Variants in FSD1L observed in about 807,000 individuals in gnomAD.
The protein encoded by FSD1L is FSD1-like protein.
FSD1L carries 45 observed loss-of-function variants against 71.6 expected under a neutral mutation model. The ratio of observed to expected loss-of-function variants is 0.63; its 90% CI spans 0.49 to 0.81. The LOEUF is 0.81. Among genes scored for constraint, FSD1L ranks in the 30% least tolerant of loss-of-function variants. The probability of loss-of-function intolerance (pLI) is 0.00; values close to 1 mark genes in which losing one functional copy is unlikely to be tolerated. For synonymous variants in FSD1L, 197 were observed against 207.2 expected (o/e 0.95, Z 0.42); for missense variants, 561 against 618.1 (o/e 0.91, Z 0.98).
rs1837226197 is a variant in FSD1L at position 105,550,640 on chromosome 9, G to C, written c.*4157G>C. 2 of 152,020 alleles carry C rather than the reference G, an allele frequency of 1.3e-5. No homozygotes were observed. The highest frequency in any genetic ancestry group is 2.4e-5 in the African/African-American group (1 of 41,446). The allele number at this position is 152,020 out of a possible 1,614,324, so 9.4% of individuals were successfully genotyped here. On this transcript the variant is annotated 3_prime_UTR_variant, in exon 14 of 14. Transcript: ENST00000481272. ...TTAACCTAAACAGTTTAAGCATTTT[G>C]AATTAGTTGGAGTTTAAATGGATTA...
chr9:105,511,220 A>G (rs1834377897), intron 9 of FSD1L, among the ~76,000 whole-genome samples: 1 of 151,252 alleles, frequency 6.6e-6, no homozygotes, highest in South Asian at 2.1e-4. Context: ...CTTTGACACC[A>G]GTATTGCTGG....
chr9:105,490,299 T>A (rs942061779), intron 7 of FSD1L, among the ~76,000 whole-genome samples: 55 of 152,202 alleles, frequency 3.6e-4, no homozygotes, highest in Non-Finnish European at 7.4e-4. Context: ...TGCATAAATG[T>A]CTTCTTTTGA....
At chr9:105,474,723 C>T (rs1166903516) in intron 5 of FSD1L, among the ~76,000 whole-genome samples, 4 of 152,178 alleles carry the variant, frequency 2.6e-5, no homozygotes, top group African/African-American at 7.2e-5. Flanking sequence ...AAAAAAATAG[C>T]ATAGGCTAAA....
intron 13 of FSD1L, among the ~76,000 whole-genome samples, chr9:105,540,571 T>C (rs1836547361): frequency 6.6e-6 from 1 of 152,114 alleles, no homozygotes; most frequent in Non-Finnish European, 1.5e-5. Context: ...GCAAGTACAA[T>C]GTAGAATTGA....
chr9:105,469,714 T>C (rs2131636786), intron 4 of FSD1L, among the ~76,000 whole-genome samples: 1 of 152,040 alleles, frequency 6.6e-6, no homozygotes, highest in East Asian at 1.9e-4. Flanking sequence ...TTTTTTTTTT[T>C]TTTCCCATTT....
At chr9:105,481,444 C>G (rs9408799) in intron 6 of FSD1L, among the ~76,000 whole-genome samples, 41,469 of 149,062 alleles carry the variant, frequency 0.28, 5,942 homozygotes, top group Non-Finnish European at 0.31. Context: ...GCCACCACAC[C>G]CAGCTAATTT....
rs886631055 is a variant in FSD1L at position 105,535,176 on chromosome 9, A to G, written c.1236A>G (p.Gln412=). 3.5e-5 allele frequency: 54 copies of G among 1,551,978 alleles called. No individual in the cohort carries two copies. Among genetic ancestry groups the G allele is most frequent in the South Asian group, 1.7e-4 (14 of 84,066 alleles). ...VAYKTLGKFD[Q]LGKTNTSWCI... Reference sequence around the variant, plus strand: ...ACAAAACGTTGGGGAAATTTGACCAATTGGGAAAGACAAACACTAGTTGGT... The same window carrying G: ...ACAAAACGTTGGGGAAATTTGACCAGTTGGGAAAGACAAACACTAGTTGGT... Residue 412 remains glutamine (Q), a synonymous_variant, in exon 12 of 14, where the codon CAA becomes CAG. Coordinates refer to ENST00000481272, the MANE Select transcript of FSD1L (RefSeq NM_001145313.3).
chr9:105,529,973 C>G (rs1004304936), intron 10 of FSD1L, among the ~76,000 whole-genome samples: 1 of 152,100 alleles, frequency 6.6e-6, no homozygotes, highest in South Asian at 2.1e-4. Context: ...GGCACTGAAG[C>G]AGATGGTGTG....
chr9:105,502,165 C>T (rs1256612785), intron 7 of FSD1L, among the ~76,000 whole-genome samples: 1 of 152,072 alleles, frequency 6.6e-6, no homozygotes, highest in Admixed American at 6.5e-5. Context: ...CTTTAATTGT[C>T]TAGCTGTGCA....
intron 6 of FSD1L, among the ~76,000 whole-genome samples, chr9:105,479,579 G>A (rs889835760): frequency 6.6e-6 from 1 of 152,144 alleles, no homozygotes; most frequent in African/African-American, 2.4e-5. Context: ...GGATAATTAT[G>A]TGCTTCAGAA....
intron 7 of FSD1L, among the ~76,000 whole-genome samples, chr9:105,495,757 A>C (rs541286623): frequency 1.8e-4 from 28 of 152,292 alleles, no homozygotes; most frequent in Non-Finnish European, 4.1e-4. Context: ...CGGGCAGATC[A>C]CAAGGTCAGG....
intron 7 of FSD1L, among the ~76,000 whole-genome samples, chr9:105,485,420 T>A (rs1310538262): frequency 6.6e-6 from 1 of 151,904 alleles, no homozygotes; most frequent in Non-Finnish European, 1.5e-5. Context: ...TGTAATGACC[T>A]AATCACCTCT....
chr9:105,515,732 G>A (rs1407451210), intron 10 of FSD1L, among the ~76,000 whole-genome samples: 1 of 151,746 alleles, frequency 6.6e-6, no homozygotes, highest in African/African-American at 2.4e-5. Context: ...AGGGCCCTGG[G>A]TTTCAGGCAC....
chr9:105,522,261 A>AC (rs1935107615), intron 10 of FSD1L: 1 of 1,613,082 alleles, frequency 6.2e-7, no homozygotes, highest in African/African-American at 1.3e-5. Context: ...GGAGACATTA[A>AC]CTAAAGTTTT....
intron 7 of FSD1L, among the ~76,000 whole-genome samples, chr9:105,489,867 G>A (rs1480150500): frequency 6.6e-6 from 1 of 152,220 alleles, no homozygotes; most frequent in Non-Finnish European, 1.5e-5. Context: ...GTATTCCATG[G>A]TGTATATGTG....
At chr9:105,450,278 A>G (rs1174040853) in intron 1 of FSD1L, among the ~76,000 whole-genome samples, 1 of 152,192 alleles carries the variant, frequency 6.6e-6, no homozygotes, top group Admixed American at 6.5e-5. Context: ...TAGGGGTAGT[A>G]CCTCAGTCAG....
intron 5 of FSD1L, among the ~76,000 whole-genome samples, chr9:105,479,125 C>T (rs942782783): frequency 6.6e-6 from 1 of 152,118 alleles, no homozygotes; most frequent in Admixed American, 6.6e-5. Context: ...TTAAATTTTC[C>T]TCCTAAAAGG....
At chr9:105,520,466 A>G in intron 10 of FSD1L, 1 of 1,060,548 alleles carries the variant, frequency 9.4e-7, no homozygotes, top group South Asian at 1.3e-5. Context: ...AGTCTTAAAC[A>G]GAAAGGTCAC....
At chr9:105,448,293 GC>G in intron 1 of FSD1L, 58 bp downstream of exon 1, 1 of 1,469,290 alleles carries the variant, frequency 6.8e-7, no homozygotes, top group Non-Finnish European at 9.1e-7. Flanking sequence ...CACAGGGTGG[GC>G]GGGGCGCCTG....
Sources: allele counts gnomAD v4.1 joint callset (sites outside exome capture counted in the v4.1 genomes callset), GRCh38; gene constraint gnomAD v4.1.1; transcripts MANE v1.5; gene names NCBI Gene and HGNC (gene_info 2026-07-23, HGNC 2026-07-21).